The following SLC4A4 variants were observed in gnomAD, a reference collection of about 807,000 sequenced individuals.
SLC4A4 encodes solute carrier family 4 member 4, also known as electrogenic sodium bicarbonate cotransporter 1.
A neutral mutation model predicts 111.5 loss-of-function variants in SLC4A4; 27 were observed. The observed-to-expected ratio is 0.24, with a 90% CI of 0.18 to 0.33. SLC4A4 has a LOEUF of 0.33. Among genes scored for constraint, SLC4A4 ranks in the 10% least tolerant of loss-of-function variants. SLC4A4 has a pLI of 1.00. For synonymous variants in SLC4A4, 443 were observed against 463.4 expected, an observed-to-expected ratio of 0.96 and a Z score of 0.57; for missense variants, 909 against 1,315.5, an observed-to-expected ratio of 0.69 and a Z score of 4.78.
intron 14 of SLC4A4, among the ~76,000 whole-genome samples, chr4:71,478,153 A>C (rs1197938370): frequency 6.6e-6 from 1 of 151,978 alleles, no homozygotes; most frequent in African/African-American, 2.4e-5. Context: ...ATGTTTTCAC[A>C]CTGTTGGTGG....
chr4:71,303,272 G>A (rs577577746), intron 3 of SLC4A4, among the ~76,000 whole-genome samples: 2 of 152,342 alleles, frequency 1.3e-5, no homozygotes, highest in South Asian at 2.1e-4. Flanking sequence ...TTCATTGTGA[G>A]TAAAGAAAAG....
chr4:71,192,616 A>T (rs950188508), intron 1 of SLC4A4, among the ~76,000 whole-genome samples: 1 of 152,084 alleles, frequency 6.6e-6, no homozygotes, highest in African/African-American at 2.4e-5. Flanking sequence ...TTATAGCATC[A>T]CTTCATTACA....
At chr4:71,493,826 T>C (rs1274713974) in intron 15 of SLC4A4, among the ~76,000 whole-genome samples, 1 of 152,038 alleles carries the variant, frequency 6.6e-6, no homozygotes, top group Admixed American at 6.6e-5. Context: ...TGCCTTAACC[T>C]TGCAATTTGC....
chr4:71,420,426 A>G (rs555346849), intron 7 of SLC4A4, among the ~76,000 whole-genome samples: 5 of 152,306 alleles, frequency 3.3e-5, no homozygotes, highest in African/African-American at 7.2e-5. Context: ...GATATTATCC[A>G]GGAGAACTTC....
chr4:71,361,034 C>CGGCT (rs1487780703), intron 6 of SLC4A4, among the ~76,000 whole-genome samples: 1 of 152,108 alleles, frequency 6.6e-6, no homozygotes, highest in East Asian at 1.9e-4. Context: ...AGGAGCGGCC[C>CGGCT]GGCTTCTCCA....
At chr4:71,493,384 A>G (rs1217142656) in intron 15 of SLC4A4, among the ~76,000 whole-genome samples, 1 of 151,990 alleles carries the variant, frequency 6.6e-6, no homozygotes, top group Non-Finnish European at 1.5e-5. Context: ...AAAAGAGTAG[A>G]TAAATTGGTA....
chr4:71,402,659 T>G (rs1477019918), intron 7 of SLC4A4, among the ~76,000 whole-genome samples: 2 of 152,214 alleles, frequency 1.3e-5, no homozygotes, highest in South Asian at 4.1e-4. Context: ...CAAAGGCATG[T>G]TGTGAGAAGG....
intron 3 of SLC4A4, among the ~76,000 whole-genome samples, chr4:71,319,772 G>A (rs576586429): frequency 6.6e-6 from 1 of 151,904 alleles, no homozygotes; most frequent in Non-Finnish European, 1.5e-5. Context: ...CACTCTTCCT[G>A]TTGTTATTAT....
chr4:71,092,488 A>G (rs1262110645), intron 1 of SLC4A4, among the ~76,000 whole-genome samples: 3 of 152,194 alleles, frequency 2.0e-5, no homozygotes, highest in African/African-American at 7.2e-5. Flanking sequence ...TTTCCTATAC[A>G]TTTTCTAGGA....
At chr4:71,558,592 A>G (rs1007219708) in intron 22 of SLC4A4, among the ~76,000 whole-genome samples, 11 of 151,942 alleles carry the variant, frequency 7.2e-5, no homozygotes, top group Non-Finnish European at 1.2e-4. Context: ...GAAAATGCAT[A>G]TATGTACACT....
intron 3 of SLC4A4, among the ~76,000 whole-genome samples, chr4:71,314,920 C>A (rs1028617820): frequency 6.6e-6 from 1 of 151,938 alleles, no homozygotes; most frequent in Non-Finnish European, 1.5e-5. Context: ...TATCCCAGAA[C>A]TTAAAGTAAA....
rs373953587 is a variant in SLC4A4, at chr4:71,270,545, C to T, written c.253+15146C>T. Among the ~76,000 whole-genome samples, 675 of 152,328 alleles carry T rather than the reference C, an allele frequency of 4.4e-3. 6 individuals are homozygous for T. The highest frequency in any genetic ancestry group is 0.029 in the South Asian group (138 of 4,832). On this transcript the variant is annotated intron_variant, in intron 3 of 25. Coordinates refer to ENST00000264485, the MANE Select transcript of SLC4A4 (RefSeq NM_001098484.3). ...AAAAGACTTGGGGATTCTGTGAGAA[C>T]ATTTGACCTCCTGGAATAAATCAGC...
chr4:71,298,225 G>A (rs546157024), intron 3 of SLC4A4, among the ~76,000 whole-genome samples: 1 of 152,288 alleles, frequency 6.6e-6, no homozygotes, highest in East Asian at 1.9e-4. Context: ...TAATTCCAGA[G>A]AAGACATATG....
intron 3 of SLC4A4, among the ~76,000 whole-genome samples, chr4:71,298,596 C>T (rs1578782178): frequency 6.6e-6 from 1 of 152,288 alleles, no homozygotes; most frequent in East Asian, 1.9e-4. Flanking sequence ...CTTCTGGTAA[C>T]AGTGAGAGTC....
At chr4:71,155,418 C>G (rs1225302039) in intron 2 of SLC4A4, among the ~76,000 whole-genome samples, 1 of 152,048 alleles carries the variant, frequency 6.6e-6, no homozygotes, top group Non-Finnish European at 1.5e-5. Context: ...AGTTGTGGAG[C>G]TGGTAGCCAC....
intron 15 of SLC4A4, among the ~76,000 whole-genome samples, chr4:71,496,890 G>C (rs1327957681): frequency 6.6e-6 from 1 of 152,038 alleles, no homozygotes; most frequent in Non-Finnish European, 1.5e-5. Flanking sequence ...TGCTGACCTA[G>C]AGTCAAGAAG....
Position 71,532,024 on chromosome 4 carries a change from G to A in SLC4A4, c.2167-38G>A, listed in dbSNP as rs1279345824. 4.3e-6 allele frequency: 5 copies of A among 1,158,938 alleles called. No individual in the cohort carries two copies. The Admixed American group carries it at 8.5e-5, about 20-fold the overall frequency. 71.8% of individuals were successfully genotyped at this position (1,158,938 alleles called of 1,614,324 possible). ...AAACACAGACAAATATATGTATCTGGTGCTAAATGGTTCCTGGTTTCTTTT... is the reference window on the plus strand; with the variant it reads ...AAACACAGACAAATATATGTATCTGATGCTAAATGGTTCCTGGTTTCTTTT... On this transcript the variant is annotated intron_variant, in intron 16 of 25. Coordinates refer to ENST00000264485, the MANE Select transcript of SLC4A4 (RefSeq NM_001098484.3).
chr4:71,438,231 C>T (rs1350528916), intron 7 of SLC4A4, among the ~76,000 whole-genome samples: 2 of 152,224 alleles, frequency 1.3e-5, no homozygotes, highest in Non-Finnish European at 2.9e-5. Context: ...TAGAGAAGCG[C>T]TGCACCTTTG....
chr4:71,454,235 T>C (rs1003537467), intron 12 of SLC4A4, among the ~76,000 whole-genome samples: 1 of 152,224 alleles, frequency 6.6e-6, no homozygotes, highest in Non-Finnish European at 1.5e-5. Context: ...TTTTGTATGA[T>C]TAATTGTAAC....
Sources: gnomAD v4.1 joint callset for allele counts (sites outside exome capture counted in the v4.1 genomes callset) on GRCh38, gnomAD v4.1.1 for gene constraint, MANE v1.5 for transcripts, NCBI Gene and HGNC (gene_info 2026-07-23, HGNC 2026-07-21) for gene names.